KCNK13: variants seen among roughly 807,000 people sequenced by gnomAD.
The protein encoded by KCNK13 is potassium two pore domain channel subfamily K member 13.
Under a neutral mutation model 23.4 loss-of-function variants are expected in KCNK13, and 12 were observed. That is an observed-to-expected ratio of 0.51 (90% CI 0.33 to 0.83). The LOEUF is 0.83. KCNK13 is among the 40% of genes least tolerant of loss of function. The pLI is 0.02. For synonymous variants in KCNK13, 231 were observed against 229.5 expected, an observed-to-expected ratio of 1.01 and a Z score of -0.06; for missense variants, 463 against 556.3, an observed-to-expected ratio of 0.83 and a Z score of 1.69.
intron 1 of KCNK13, among the ~76,000 whole-genome samples, chr14:90,152,495 A>G (rs1890145382): frequency 6.6e-6 from 1 of 152,052 alleles, no homozygotes; most frequent in South Asian, 2.1e-4. Context: ...AGATCGCGCC[A>G]TTGCACTGCA....
chr14:90,100,927 C>T (rs1889468880), intron 1 of KCNK13, among the ~76,000 whole-genome samples: 1 of 152,040 alleles, frequency 6.6e-6, no homozygotes, highest in Admixed American at 6.6e-5. Flanking sequence ...CTCTAGGGCT[C>T]AAGCAATCCT....
chr14:90,170,431 C>T (rs550046112), intron 1 of KCNK13, among the ~76,000 whole-genome samples: 1 of 152,182 alleles, frequency 6.6e-6, no homozygotes, highest in African/African-American at 2.4e-5. Context: ...CCAGGCTGGT[C>T]TCCAACTCCT....
chr14:90,080,542 C>CA (rs1005053429), intron 1 of KCNK13, among the ~76,000 whole-genome samples: 96 of 150,254 alleles, frequency 6.4e-4, no homozygotes, highest in Middle Eastern at 6.9e-3. Context: ...TTCCAGATGT[C>CA]AAAAAAAAAT....
intron 1 of KCNK13, among the ~76,000 whole-genome samples, chr14:90,139,006 A>C (rs1466585377): frequency 6.6e-6 from 1 of 152,122 alleles, no homozygotes; most frequent in East Asian, 1.9e-4. Flanking sequence ...AGCAAGGCAC[A>C]AAGTGTTTTG....
At chr14:90,093,971 G>A (rs762051159) in intron 1 of KCNK13, among the ~76,000 whole-genome samples, 1 of 152,122 alleles carries the variant, frequency 6.6e-6, no homozygotes, top group Non-Finnish European at 1.5e-5. Flanking sequence ...TTTGCAGGGG[G>A]TGCCATTTTC....
intron 1 of KCNK13, among the ~76,000 whole-genome samples, chr14:90,137,359 C>A (rs10083392): frequency 2.0e-5 from 3 of 151,822 alleles, no homozygotes; most frequent in Admixed American, 1.3e-4. Flanking sequence ...CTTGCTCTGT[C>A]GCCCAGGCTG....
At chr14:90,122,972 C>T (rs1396196678) in intron 1 of KCNK13, among the ~76,000 whole-genome samples, 4 of 152,092 alleles carry the variant, frequency 2.6e-5, no homozygotes, top group Admixed American at 1.3e-4. Flanking sequence ...ATGAAGACTC[C>T]GAAGCTTGTT....
At chr14:90,133,803 C>T (rs571629342) in intron 1 of KCNK13, among the ~76,000 whole-genome samples, 2 of 152,236 alleles carry the variant, frequency 1.3e-5, no homozygotes, top group African/African-American at 2.4e-5. Flanking sequence ...GCTTTCCAGG[C>T]AGCCTCCATG....
intron 1 of KCNK13, among the ~76,000 whole-genome samples, chr14:90,090,361 G>A (rs1889330248): frequency 6.6e-6 from 1 of 152,188 alleles, no homozygotes; most frequent in South Asian, 2.1e-4. Context: ...ACTTGCATGG[G>A]GCCTGTAACC....
At position 90,107,617 on chromosome 14, in the gene KCNK13, A is replaced by G. The variant is rs977289587; in HGVS notation, c.334+45078A>G. On this transcript the variant is annotated intron_variant, in intron 1 of 1. Transcript: ENST00000282146. ...TAAAACAAGAATTAGGTTTGGCTCA[A>G]TACTCATGCAATACCTACAACTGAG... is the stretch of plus-strand genomic sequence containing the variant. The G allele has an allele frequency of 5.3e-6, 3 of 570,462 alleles. No individual in the cohort carries two copies. The African/African-American group carries it at 5.6e-5, about 11-fold the overall frequency. The allele number at this position is 570,462 out of a possible 1,614,324, so 35.3% of individuals were successfully genotyped here. A position where few individuals can be genotyped will look rare whatever the true frequency, so the allele number is the denominator to read the frequency against.
rs1371869616 is a variant in KCNK13 at position 90,183,984 on chromosome 14, G to A, written c.335-127G>A. The A allele has an allele frequency of 4.8e-6, 4 of 833,330 alleles. No homozygotes were observed. In the Admixed American group the frequency reaches 8.0e-5, roughly 17 times the overall value. The allele number at this position is 833,330 out of a possible 1,614,324, so 51.6% of individuals were successfully genotyped here. A position where few individuals can be genotyped will look rare whatever the true frequency, so the allele number is the denominator to read the frequency against. On this transcript the variant is annotated intron_variant, in intron 1 of 1. Coordinates refer to ENST00000282146, the MANE Select transcript of KCNK13 (RefSeq NM_022054.4). ...GTGAGAATTCTCCTGCTCATTCCTAGAAAGACTAAGGCTGAGTGATTTTAT... is the reference window on the plus strand; with the variant it reads ...GTGAGAATTCTCCTGCTCATTCCTAAAAAGACTAAGGCTGAGTGATTTTAT...
intron 1 of KCNK13, among the ~76,000 whole-genome samples, chr14:90,063,759 A>G (rs1888974585): frequency 6.6e-6 from 1 of 152,200 alleles, no homozygotes; most frequent in African/African-American, 2.4e-5. Context: ...AAGCAGCACA[A>G]AAGACAAAAG....
At chr14:90,113,680 C>A (rs1485373862) in intron 1 of KCNK13, among the ~76,000 whole-genome samples, 1 of 152,102 alleles carries the variant, frequency 6.6e-6, no homozygotes, top group African/African-American at 2.4e-5. Flanking sequence ...TGCCTGTAAT[C>A]CCAGCACTTT....
chr14:90,091,084 G>A (rs575323117), intron 1 of KCNK13, among the ~76,000 whole-genome samples: 2 of 152,168 alleles, frequency 1.3e-5, no homozygotes, highest in African/African-American at 2.4e-5. Flanking sequence ...CTCAAGTGCC[G>A]AGGTTCCTCT....
chr14:90,113,103 C>G (rs1455841214), intron 1 of KCNK13, among the ~76,000 whole-genome samples: 2 of 151,914 alleles, frequency 1.3e-5, no homozygotes, highest in Non-Finnish European at 2.9e-5. Context: ...TTTGTAGAGA[C>G]AGGGTTTTGC....
intron 1 of KCNK13, among the ~76,000 whole-genome samples, chr14:90,070,590 A>C (rs2140388758): frequency 6.6e-6 from 1 of 152,320 alleles, no homozygotes; most frequent in South Asian, 2.1e-4. Context: ...TTTTCATTTC[A>C]ATTCAGTTTC....
chr14:90,109,721 T>A (rs948297491), intron 1 of KCNK13, among the ~76,000 whole-genome samples: 6 of 150,912 alleles, frequency 4.0e-5, no homozygotes, highest in African/African-American at 7.3e-5. Flanking sequence ...TTTATTTTTT[T>A]TTTTTTGAGA....
chr14:90,111,688 C>T (rs535093930), intron 1 of KCNK13, among the ~76,000 whole-genome samples: 3 of 152,286 alleles, frequency 2.0e-5, no homozygotes, highest in Non-Finnish European at 4.4e-5. Flanking sequence ...TGCAGAATGT[C>T]CCTCTCTGTG....
intron 1 of KCNK13, among the ~76,000 whole-genome samples, chr14:90,104,899 C>T (rs996991003): frequency 2.0e-5 from 3 of 151,042 alleles, no homozygotes; most frequent in African/African-American, 7.3e-5. Context: ...AAGCAATCCT[C>T]CTGCCTCAGC....
Sources: allele counts gnomAD v4.1 joint callset (sites outside exome capture counted in the v4.1 genomes callset), GRCh38; gene constraint gnomAD v4.1.1; transcripts MANE v1.5; gene names NCBI Gene and HGNC (gene_info 2026-07-23, HGNC 2026-07-21).